Variants in B3GALT1 observed in about 807,000 individuals in gnomAD.
B3GALT1 encodes UDP-Gal:betaGlcNAc beta 1,3-galactosyltransferase, polypeptide 1.
In B3GALT1, 10 loss-of-function variants were observed where a neutral mutation model predicts 23.2. The ratio of observed to expected loss-of-function variants is 0.43; its 90% confidence interval spans 0.27 to 0.73. The LOEUF (loss-of-function observed/expected upper bound fraction) is 0.73. B3GALT1 is among the 30% of genes least tolerant of loss of function. B3GALT1 has a pLI of 0.21. For synonymous variants in B3GALT1, 156 were observed against 141.5 expected (o/e 1.10, Z -0.73); for missense variants, 299 against 405.4 (o/e 0.74, Z 2.25).
intron 2 of B3GALT1, among the ~76,000 whole-genome samples, chr2:167,521,476 A>G (rs1438475164): frequency 6.6e-6 from 1 of 152,124 alleles, no homozygotes; most frequent in Non-Finnish European, 1.5e-5. Context: ...TACTTAACTA[A>G]CTACTATCCA....
chr2:167,333,973 G>A (rs981369094), intron 1 of B3GALT1, among the ~76,000 whole-genome samples: 1 of 151,514 alleles, frequency 6.6e-6, no homozygotes, highest in Non-Finnish European at 1.5e-5. Flanking sequence ...TGCACTTTTT[G>A]TGTCATTATT....
At chr2:167,588,379 A>C (rs1223480746) in intron 2 of B3GALT1, among the ~76,000 whole-genome samples, 1 of 152,184 alleles carries the variant, frequency 6.6e-6, no homozygotes, top group African/African-American at 2.4e-5. Context: ...ACATTTGCAT[A>C]ATTGCCAAAT....
intron 3 of B3GALT1, among the ~76,000 whole-genome samples, chr2:167,810,378 GGA>G (rs1420858164): frequency 2.0e-5 from 3 of 150,634 alleles, no homozygotes; most frequent in Non-Finnish European, 4.4e-5. Flanking sequence ...GGCTCTCACT[GGA>G]AGCTGTAGAG....
chr2:167,753,865 A>G (rs577766424), intron 3 of B3GALT1, among the ~76,000 whole-genome samples: 10 of 152,268 alleles, frequency 6.6e-5, no homozygotes, highest in South Asian at 4.1e-4. Flanking sequence ...CTCAATTTGC[A>G]CTGTGATAAA....
At chr2:167,306,346 A>C (rs1696551740) in intron 1 of B3GALT1, among the ~76,000 whole-genome samples, 1 of 152,074 alleles carries the variant, frequency 6.6e-6, no homozygotes, top group Non-Finnish European at 1.5e-5. Context: ...ATTACGTACA[A>C]GTCCTACTTT....
rs572711396 is a variant in B3GALT1 at position 167,433,513 on chromosome 2, T to TA, written c.-510-56659dup. Among the ~76,000 whole-genome samples the TA allele has an allele frequency of 7.4e-4, 113 of 152,232 alleles. 1 individual carries two copies. In the East Asian group the frequency reaches 0.018, roughly 24 times the overall value. On this transcript the variant is annotated intron_variant, in intron 1 of 4. Coordinates refer to ENST00000392690, the MANE Select transcript of B3GALT1 (RefSeq NM_020981.4). The stretch of plus-strand genomic sequence containing the variant: ...ATACATAGGATAAGAGTTGATAGGT[T>TA]AAAAAGGAGGGATTATTAAAATGGA...
Position 167,358,061 on chromosome 2 carries a change from T to A in B3GALT1, c.-511+64727T>A, listed in dbSNP as rs16853484. Among the ~76,000 whole-genome samples, 476 of 152,348 alleles carry A rather than the reference T, an allele frequency of 3.1e-3. 3 individuals carry two copies. The highest frequency in any genetic ancestry group is 0.01 in the African/African-American group (431 of 41,594). Reference sequence around the variant, plus strand: ...TAAAAAGCCCACTCTAATTATTTTATGTCAAAGTTACTACTTACTTATTTT... The same window carrying A: ...TAAAAAGCCCACTCTAATTATTTTAAGTCAAAGTTACTACTTACTTATTTT... On this transcript the variant is annotated intron_variant, in intron 1 of 4. Coordinates refer to ENST00000392690, the MANE Select transcript of B3GALT1 (RefSeq NM_020981.4).
At chr2:167,475,961 C>A (rs1050569207) in intron 1 of B3GALT1, among the ~76,000 whole-genome samples, 1 of 152,154 alleles carries the variant, frequency 6.6e-6, no homozygotes, top group African/African-American at 2.4e-5. Flanking sequence ...GGCATTCTTT[C>A]TGTGTGCATG....
At chr2:167,336,492 G>C (rs922776482) in intron 1 of B3GALT1, among the ~76,000 whole-genome samples, 1 of 152,166 alleles carries the variant, frequency 6.6e-6, no homozygotes, top group Non-Finnish European at 1.5e-5. Context: ...TTACATAAAA[G>C]CAGGTTAGAT....
intron 3 of B3GALT1, among the ~76,000 whole-genome samples, chr2:167,672,198 A>G (rs1386759776): frequency 6.6e-6 from 1 of 152,104 alleles, no homozygotes; most frequent in Non-Finnish European, 1.5e-5. Context: ...CCATTACCTC[A>G]TTTCATGGAC....
intron 3 of B3GALT1, among the ~76,000 whole-genome samples, chr2:167,806,529 G>T (rs533793635): frequency 2.6e-5 from 4 of 152,090 alleles, no homozygotes; most frequent in Non-Finnish European, 5.9e-5. Context: ...TAGCATGAAG[G>T]GCTGTTGAAT....
At chr2:167,328,670 G>A (rs985520641) in intron 1 of B3GALT1, among the ~76,000 whole-genome samples, 4 of 151,740 alleles carry the variant, frequency 2.6e-5, no homozygotes, top group East Asian at 1.9e-4. Context: ...GTATTTGATC[G>A]TTTGTAATTT....
intron 3 of B3GALT1, among the ~76,000 whole-genome samples, chr2:167,772,767 T>A (rs1006158773): frequency 2.8e-4 from 42 of 152,124 alleles, no homozygotes; most frequent in African/African-American, 1.0e-3. Context: ...TGACACACTA[T>A]GTTATTCTTC....
At chr2:167,811,190 G>C (rs1688881360) in intron 3 of B3GALT1, among the ~76,000 whole-genome samples, 1 of 152,176 alleles carries the variant, frequency 6.6e-6, no homozygotes, top group African/African-American at 2.4e-5. Context: ...CTTATTTCTT[G>C]AGTGTCTGAC....
intron 1 of B3GALT1, among the ~76,000 whole-genome samples, chr2:167,443,297 G>T (rs1698925085): frequency 6.6e-6 from 1 of 152,200 alleles, no homozygotes; most frequent in Admixed American, 6.5e-5. Context: ...ATAGTTTGAA[G>T]TCAGGTAGTG....
chr2:167,463,881 T>C (rs1157912421), intron 1 of B3GALT1, among the ~76,000 whole-genome samples: 1 of 152,166 alleles, frequency 6.6e-6, no homozygotes, highest in African/African-American at 2.4e-5. Context: ...ACAGGAGGCA[T>C]TTTTAAGATC....
chr2:167,338,512 C>T (rs1191527119), intron 1 of B3GALT1, among the ~76,000 whole-genome samples: 1 of 151,760 alleles, frequency 6.6e-6, no homozygotes, highest in Non-Finnish European at 1.5e-5. Flanking sequence ...CATGAATACC[C>T]GAAAACTTAG....
chr2:167,568,085 A>G (rs866885017), intron 2 of B3GALT1, among the ~76,000 whole-genome samples: 1 of 152,154 alleles, frequency 6.6e-6, no homozygotes, highest in African/African-American at 2.4e-5. Flanking sequence ...GTAGCACTGA[A>G]TAATAGTCCA....
At chr2:167,424,419 G>A (rs1178996970) in intron 1 of B3GALT1, among the ~76,000 whole-genome samples, 2 of 152,212 alleles carry the variant, frequency 1.3e-5, no homozygotes, top group Non-Finnish European at 2.9e-5. Context: ...AAGCACAGAT[G>A]CTGGGACTTC....
Sources: gnomAD v4.1 joint callset for allele counts (sites outside exome capture counted in the v4.1 genomes callset) on GRCh38, gnomAD v4.1.1 for gene constraint, MANE v1.5 for transcripts, NCBI Gene and HGNC (gene_info 2026-07-23, HGNC 2026-07-21) for gene names.